Variants in TRIM2 observed in about 807,000 individuals in gnomAD.
TRIM2 encodes tripartite motif containing 2.
TRIM2 carries 20 observed loss-of-function variants against 75.2 expected under a neutral mutation model. That is an observed-to-expected ratio of 0.27 (90% CI 0.19 to 0.39). The LOEUF (loss-of-function observed/expected upper bound fraction) is 0.39. Among genes scored for constraint, TRIM2 ranks in the 10% least tolerant of loss-of-function variants. The pLI is 1.00. For missense variants in TRIM2, 660 were observed against 990.8 expected (o/e 0.67, Z 4.48); for synonymous variants, 373 against 388.3 (o/e 0.96, Z 0.46).
At chr4:153,217,598 A>C (rs997463980) in intron 1 of TRIM2, among the ~76,000 whole-genome samples, 3 of 152,184 alleles carry the variant, frequency 2.0e-5, no homozygotes, top group Admixed American at 6.5e-5. Context: ...ATCTGAACAT[A>C]CTGCCTCTCA....
chr4:153,336,562 T>A lies in TRIM2; in HGVS notation c.*1596T>A, dbSNP rs1772476050. ...TTCTACTCAGTTCTACCAAATAGGA[T>A]GTCATGTTTGACATTTTTGATAGTG... On this transcript the variant is annotated 3_prime_UTR_variant, in exon 12 of 12. Coordinates refer to ENST00000338700, the MANE Select transcript of TRIM2 (RefSeq NM_015271.5). 1.0e-6 allele frequency: 1 copy of A among 985,868 alleles called. No individual in the cohort carries two copies. Among genetic ancestry groups the A allele is most frequent in the Non-Finnish European group, 1.2e-6 (1 of 829,930 alleles). The allele number at this position is 985,868 out of a possible 1,614,324, so 61.1% of individuals were successfully genotyped here.
upstream of TRIM2, among the ~76,000 whole-genome samples, chr4:153,200,716 G>GAAAAAAA (rs71598251): frequency 1.6e-4 from 21 of 130,930 alleles, no homozygotes; most frequent in African/African-American, 5.3e-4. Flanking sequence ...TTTTTAGTAA[G>GAAAAAAA]AAAAAAAAAT....
At chr4:153,164,118 A>G (rs947811391) in intron 1 of TRIM2, among the ~76,000 whole-genome samples, 4 of 152,154 alleles carry the variant, frequency 2.6e-5, no homozygotes, top group African/African-American at 9.7e-5. Context: ...TTTTACTTAT[A>G]TAAACACATG....
upstream of TRIM2, among the ~76,000 whole-genome samples, chr4:153,203,523 T>C (rs1398623727): frequency 2.0e-5 from 3 of 150,384 alleles, no homozygotes; most frequent in Non-Finnish European, 4.4e-5. Flanking sequence ...GATGTACCAA[T>C]CTTGCAGTGA....
intron 1 of TRIM2, among the ~76,000 whole-genome samples, chr4:153,252,831 A>G (rs978543536): frequency 3.3e-5 from 5 of 152,202 alleles, no homozygotes; most frequent in African/African-American, 1.2e-4. Context: ...TCTAAATCAT[A>G]AACTACCAGA....
At chr4:153,268,962 C>A (rs1755963856) in intron 1 of TRIM2, among the ~76,000 whole-genome samples, 1 of 152,184 alleles carries the variant, frequency 6.6e-6, no homozygotes, top group African/African-American at 2.4e-5. Flanking sequence ...AGTTTCAAAT[C>A]TATAAACCTT....
At chr4:153,297,893 C>T (rs1350549058) in intron 6 of TRIM2, among the ~76,000 whole-genome samples, 1 of 152,190 alleles carries the variant, frequency 6.6e-6, no homozygotes, top group African/African-American at 2.4e-5. Flanking sequence ...ATATACGTGG[C>T]ATGTGCCTGT....
chr4:153,154,539 C>T (rs543278230), intron 1 of TRIM2, among the ~76,000 whole-genome samples: 5 of 152,202 alleles, frequency 3.3e-5, no homozygotes, highest in African/African-American at 1.2e-4. Flanking sequence ...ACGATTTCTG[C>T]GTGTCTTCCA....
At chr4:153,157,788 G>A (rs903385158) in intron 1 of TRIM2, among the ~76,000 whole-genome samples, 3 of 152,212 alleles carry the variant, frequency 2.0e-5, no homozygotes, top group Non-Finnish European at 4.4e-5. Flanking sequence ...GAGCCACTAA[G>A]CAGCCTCAAA....
chr4:153,259,351 C>A (rs1275768026), intron 1 of TRIM2, among the ~76,000 whole-genome samples: 1 of 152,012 alleles, frequency 6.6e-6, no homozygotes, highest in Non-Finnish European at 1.5e-5. Flanking sequence ...TCTGGGTATC[C>A]TTAGGCGTTA....
At chr4:153,298,337 G>A (rs1249085639) in intron 6 of TRIM2, among the ~76,000 whole-genome samples, 1 of 152,190 alleles carries the variant, frequency 6.6e-6, no homozygotes, top group East Asian at 1.9e-4. Context: ...AACTGGAACT[G>A]TTTTAGAGTT....
At chr4:153,307,961 C>T (rs1321953325) in intron 6 of TRIM2, 2 of 757,118 alleles carry the variant, frequency 2.6e-6, no homozygotes, top group Non-Finnish European at 5.0e-6. Context: ...CAGCGAAATA[C>T]AGGGGCTTGT....
In TRIM2 at chr4:153,315,824, T is replaced by A. The variant is rs765019545; in HGVS notation, c.1615-8T>A. The A allele has an allele frequency of 1.9e-6, 3 of 1,614,076 alleles. No individual in the cohort carries two copies. In the South Asian group the frequency reaches 3.3e-5, roughly 18 times the overall value. On this transcript the variant is annotated splice_polypyrimidine_tract_variant and splice_region_variant and intron_variant, in intron 7 of 11. Transcript: ENST00000338700. ...TTCACATTCCAATGAATGTAATTTA[T>A]CTTACAGATATTTTCCAATGATGGC...
At chr4:153,330,561 TAA>T (rs1445561426) in intron 11 of TRIM2, among the ~76,000 whole-genome samples, 1 of 151,882 alleles carries the variant, frequency 6.6e-6, no homozygotes, top group Non-Finnish European at 1.5e-5. Flanking sequence ...AAAATAAAAA[TAA>T]AAATAAAGAA....
chr4:153,300,846 G>A (rs552569914), intron 6 of TRIM2, among the ~76,000 whole-genome samples: 181 of 151,224 alleles, frequency 1.2e-3, no homozygotes, highest in Non-Finnish European at 2.0e-3. Flanking sequence ...TTTGATAAAT[G>A]TCTATTCAGG....
At chr4:153,313,082 C>G (rs1250811121) in intron 6 of TRIM2, among the ~76,000 whole-genome samples, 1 of 152,152 alleles carries the variant, frequency 6.6e-6, no homozygotes, top group Non-Finnish European at 1.5e-5. Context: ...GGGAAACAGA[C>G]TCAAGCTCTC....
upstream of TRIM2, among the ~76,000 whole-genome samples, chr4:153,201,626 G>T (rs181358956): frequency 6.6e-5 from 10 of 152,206 alleles, no homozygotes; most frequent in African/African-American, 2.2e-4. Flanking sequence ...GGTAAAAGCT[G>T]CAGTGAGCTA....
rs547738691 is a variant in TRIM2, at chr4:153,180,352, G to A, written c.-49+27082G>A. 8.5e-4 allele frequency among the ~76,000 whole-genome samples: 129 copies of A among 152,298 alleles called. 1 individual carries two copies. The highest frequency in any genetic ancestry group is 3.0e-3 in the African/African-American group (125 of 41,562). On this transcript the variant is annotated intron_variant, in intron 1 of 11. Coordinates refer to the TRIM2 transcript ENST00000437508. ...TAGTATTTTTGCCAGGAAAAACAAG[G>A]TTCTCGACAGCCTGGGGTCATGCAG...
intron 6 of TRIM2, among the ~76,000 whole-genome samples, chr4:153,296,538 A>G (rs1476083526): frequency 1.3e-5 from 2 of 152,192 alleles, no homozygotes; most frequent in South Asian, 4.1e-4. Context: ...GGATGTGTGC[A>G]TTGCAAGTTG....
Sources: gnomAD v4.1 joint callset for allele counts (sites outside exome capture counted in the v4.1 genomes callset) on GRCh38, gnomAD v4.1.1 for gene constraint, MANE v1.5 for transcripts, NCBI Gene and HGNC (gene_info 2026-07-23, HGNC 2026-07-21) for gene names.